SDK1: variants seen among roughly 807,000 people sequenced by gnomAD.
The protein encoded by SDK1 is sidekick cell adhesion molecule 1.
Under a neutral mutation model 245.5 loss-of-function variants are expected in SDK1, and 157 were observed. That is an observed-to-expected ratio of 0.64 (90% confidence interval 0.56 to 0.73). The LOEUF (loss-of-function observed/expected upper bound fraction) is 0.73, where lower values mean the gene tolerates loss of function less well. Ranked by LOEUF, SDK1 falls within the 30% of genes least tolerant of loss-of-function variation. The pLI is 0.00. For synonymous variants in SDK1, 1,647 were observed against 1,278.5 expected, an observed-to-expected ratio of 1.29 and a Z score of -6.15; for missense variants, 3,583 against 3,002.3, an observed-to-expected ratio of 1.19 and a Z score of -4.52.
intron 16 of SDK1, among the ~76,000 whole-genome samples, chr7:4,015,336 G>A (rs964743576): frequency 6.6e-6 from 1 of 152,116 alleles, no homozygotes; most frequent in African/African-American, 2.4e-5. Flanking sequence ...CTTCTTAAAC[G>A]GCATCCTCAT....
At position 3,562,580 on chromosome 7, in the gene SDK1, C is replaced by T. The variant is rs139707808; in HGVS notation, c.299-56500C>T. On this transcript the variant is annotated intron_variant, in intron 1 of 44. Transcript: ENST00000404826. Reference sequence around the variant, plus strand: ...TAGACGGGTAGCTGCAGCCTGTGGACGAGGCAGCCATAGGTGTCTGGAGAG... The same window carrying T: ...TAGACGGGTAGCTGCAGCCTGTGGATGAGGCAGCCATAGGTGTCTGGAGAG... Among the ~76,000 whole-genome samples the T allele has an allele frequency of 6.5e-3, 990 of 152,202 alleles. 8 individuals are homozygous for T. Among genetic ancestry groups the T allele is most frequent in the South Asian group, 0.018 (87 of 4,818 alleles).
intron 1 of SDK1, among the ~76,000 whole-genome samples, chr7:3,319,561 C>A (rs181448037): frequency 1.3e-5 from 2 of 152,152 alleles, no homozygotes; most frequent in East Asian, 1.9e-4. Flanking sequence ...TCATTACTTA[C>A]ATGATACATA....
At chr7:3,544,228 G>A (rs951082077) in intron 1 of SDK1, among the ~76,000 whole-genome samples, 2 of 152,220 alleles carry the variant, frequency 1.3e-5, no homozygotes, top group African/African-American at 4.8e-5. Context: ...AAGACCATAT[G>A]TATCCATCTT....
At chr7:3,389,253 A>G (rs548605246) in intron 1 of SDK1, among the ~76,000 whole-genome samples, 3 of 152,326 alleles carry the variant, frequency 2.0e-5, no homozygotes, top group East Asian at 3.9e-4. Flanking sequence ...GACTACAGAT[A>G]TGATTAAGTT....
chr7:3,882,092 A>T (rs1372452671), intron 5 of SDK1, among the ~76,000 whole-genome samples: 2 of 152,202 alleles, frequency 1.3e-5, no homozygotes, highest in Non-Finnish European at 2.9e-5. Context: ...GAGAAACGAG[A>T]GCCAAGTGAA....
chr7:3,536,384 T>TA (rs1261107600), intron 1 of SDK1, among the ~76,000 whole-genome samples: 1 of 152,006 alleles, frequency 6.6e-6, no homozygotes, highest in Non-Finnish European at 1.5e-5. Context: ...AATAATTTTT[T>TA]AAAAAATCTA....
chr7:4,188,694 A>G (rs1248043868), intron 35 of SDK1, among the ~76,000 whole-genome samples: 6 of 151,946 alleles, frequency 3.9e-5, no homozygotes, highest in Admixed American at 2.0e-4. Context: ...AAAAAAAGAA[A>G]GAAAGAAAAA....
Position 3,971,449 on chromosome 7 carries a change from A to G in SDK1, c.1715-17A>G, listed in dbSNP as rs761488806. On this transcript the variant is annotated splice_polypyrimidine_tract_variant and intron_variant, in intron 11 of 44. Transcript: ENST00000404826. ...AACTTGTCATTTCGTCTGACTCGTG[A>G]CTTGTGTTTTTTTCAGATCGGACGT... 6.3e-7 allele frequency: 1 copy of G among 1,577,934 alleles called. No homozygotes were observed. Among genetic ancestry groups the G allele is most frequent in the Non-Finnish European group, 8.7e-7 (1 of 1,149,280 alleles).
At chr7:3,907,906 C>T (rs559900437) in intron 5 of SDK1, among the ~76,000 whole-genome samples, 2 of 152,140 alleles carry the variant, frequency 1.3e-5, no homozygotes, top group Non-Finnish European at 2.9e-5. Context: ...TTTGATTGAG[C>T]AAGGGCTTGT....
chr7:3,619,716 A>G (rs1439754153), intron 2 of SDK1, among the ~76,000 whole-genome samples: 2 of 152,226 alleles, frequency 1.3e-5, no homozygotes, highest in Non-Finnish European at 2.9e-5. Context: ...GCATGCATAC[A>G]GCCTGTATAT....
chr7:3,641,941 C>G lies in SDK1; in HGVS notation c.566-17C>G. 2 of 1,605,810 alleles carry G rather than the reference C, an allele frequency of 1.2e-6. No homozygotes were observed. The highest frequency in any genetic ancestry group is 1.1e-5 in the South Asian group (1 of 89,584). On this transcript the variant is annotated splice_polypyrimidine_tract_variant and intron_variant, in intron 3 of 44. Coordinates refer to ENST00000404826, the MANE Select transcript of SDK1 (RefSeq NM_152744.4). ...AAATGTTTTCTAGAACTTGAAAGCA[C>G]TTCTTTTTCTCTGCAGATATGGGAA...
intron 4 of SDK1, among the ~76,000 whole-genome samples, chr7:3,809,825 T>G (rs754105461): frequency 1.3e-5 from 2 of 152,078 alleles, no homozygotes; most frequent in Non-Finnish European, 2.9e-5. Flanking sequence ...GAATCCTGAG[T>G]GCCTCGTTCC....
At chr7:3,626,011 A>G (rs1412150376) in intron 2 of SDK1, among the ~76,000 whole-genome samples, 3 of 147,092 alleles carry the variant, frequency 2.0e-5, no homozygotes, top group East Asian at 2.0e-4. Flanking sequence ...TAGTGTAATC[A>G]TAGCTCATTG....
chr7:3,903,436 G>A (rs937776835), intron 5 of SDK1, among the ~76,000 whole-genome samples: 20 of 152,084 alleles, frequency 1.3e-4, no homozygotes, highest in Admixed American at 3.3e-4. Context: ...ACGAGCCACC[G>A]CGCCCGGCCG....
intron 1 of SDK1, among the ~76,000 whole-genome samples, chr7:3,443,722 T>C (rs1208301777): frequency 6.6e-6 from 1 of 152,228 alleles, no homozygotes; most frequent in African/African-American, 2.4e-5. Context: ...CAGCTCTGAG[T>C]GACCTTGAAG....
At position 3,509,067 on chromosome 7, in the gene SDK1, G is replaced by GGTGTGT. The variant is rs911519846; in HGVS notation, c.299-110001_299-109996dup. On this transcript the variant is annotated intron_variant, in intron 1 of 44. Coordinates refer to ENST00000404826, the MANE Select transcript of SDK1 (RefSeq NM_152744.4). ...TATCAGGGCAGCCTAAGGAAGGTGGGGTGTGTGTGTGTGTGTGCGTGTGTG... is the reference window on the plus strand; with the variant it reads ...TATCAGGGCAGCCTAAGGAAGGTGGGGTGTGTGTGTGTGTGTGTGTGTGCGTGTGTG... Among the ~76,000 whole-genome samples, 151 of 143,512 alleles carry GGTGTGT rather than the reference G, an allele frequency of 1.1e-3. 1 individual carries two copies. Among genetic ancestry groups the GGTGTGT allele is most frequent in the African/African-American group, 3.8e-3 (143 of 37,696 alleles). 94.1% of individuals were successfully genotyped at this position (143,512 alleles called of 152,430 possible). A position where few individuals can be genotyped will look rare whatever the true frequency, so the allele number is the denominator to read the frequency against.
chr7:3,579,670 C>T (rs929132416), intron 1 of SDK1, among the ~76,000 whole-genome samples: 17 of 151,942 alleles, frequency 1.1e-4, no homozygotes, highest in African/African-American at 3.9e-4. Flanking sequence ...GAAGTCTTGG[C>T]CAGTCCTGGT....
intron 4 of SDK1, among the ~76,000 whole-genome samples, chr7:3,772,490 T>G (rs538503980): frequency 6.6e-6 from 1 of 152,166 alleles, no homozygotes; most frequent in Non-Finnish European, 1.5e-5. Flanking sequence ...TTAAATAACA[T>G]AGAAATCAAA....
At chr7:3,712,682 G>A (rs1350686487) in intron 4 of SDK1, among the ~76,000 whole-genome samples, 1 of 152,160 alleles carries the variant, frequency 6.6e-6, no homozygotes, top group African/African-American at 2.4e-5. Flanking sequence ...ATGGCAGTGG[G>A]CATATGAACA....
Sources: allele counts gnomAD v4.1 joint callset (sites outside exome capture counted in the v4.1 genomes callset), GRCh38; gene constraint gnomAD v4.1.1; transcripts MANE v1.5; gene names NCBI Gene and HGNC (gene_info 2026-07-23, HGNC 2026-07-21).